The following TMEM19 variants were observed in gnomAD, a reference collection of about 807,000 sequenced individuals.
TMEM19 encodes the protein transmembrane protein 19.
A neutral mutation model predicts 33.6 loss-of-function variants in TMEM19; 21 were observed. The observed-to-expected ratio is 0.62, with a 90% CI of 0.44 to 0.90. The LOEUF (loss-of-function observed/expected upper bound fraction) is 0.90. Among genes scored for constraint, TMEM19 ranks in the 40% least tolerant of loss-of-function variants. The pLI is 0.00. For synonymous variants in TMEM19, 149 were observed against 147.5 expected, an observed-to-expected ratio of 1.01 and a Z score of -0.07; for missense variants, 402 against 401.8, an observed-to-expected ratio of 1.00 and a Z score of 0.00.
rs1235521744 is a variant in TMEM19, at chr12:71,703,388, C to T, written c.*2393C>T. ...CTTCTGGTAATGACACAGTGTCTTA[C>T]AGCTACATCATTTATAAAATCATGT... On this transcript the variant is annotated 3_prime_UTR_variant, in exon 6 of 6. Coordinates refer to ENST00000266673, the MANE Select transcript of TMEM19 (RefSeq NM_018279.4). 6.6e-6 allele frequency: 1 copy of T among 152,072 alleles called. No homozygotes were observed. Among genetic ancestry groups the T allele is most frequent in the Non-Finnish European group, 1.5e-5 (1 of 68,070 alleles). The allele number at this position is 152,072 out of a possible 1,614,324, so 9.4% of individuals were successfully genotyped here.
chr12:71,697,380 C>T lies in TMEM19; in HGVS notation c.483C>T (p.Val161=), dbSNP rs1239112695. 5.6e-6 allele frequency: 9 copies of T among 1,611,102 alleles called. No individual in the cohort carries two copies. The Admixed American group carries it at 1.0e-4, about 18-fold the overall frequency. Residue 161 remains valine (V), a synonymous_variant, in exon 4 of 6, where the codon GTC becomes GTT. Transcript: ENST00000266673. The part of the protein sequence containing the change: ...MIENGPGEIP[V]DFSKQYSASW... ...AAAATGGCCCCGGGGAAATCCCAGTCGATTTTTCCAAGCAGTACTCCGCTT... is the reference window on the plus strand; with the variant it reads ...AAAATGGCCCCGGGGAAATCCCAGTTGATTTTTCCAAGCAGTACTCCGCTT...
chr12:71,696,260 G>A (rs1360228090), intron 2 of TMEM19, among the ~76,000 whole-genome samples, 176 bp from the exon 3 acceptor site: 1 of 152,086 alleles, frequency 6.6e-6, no homozygotes, highest in Non-Finnish European at 1.5e-5. Flanking sequence ...TAAAAAATGT[G>A]TACTCAAAAT....
At chr12:71,688,906 A>G (rs896019818) in intron 1 of TMEM19, among the ~76,000 whole-genome samples, 24 of 152,192 alleles carry the variant, frequency 1.6e-4, no homozygotes, top group Admixed American at 5.9e-4. Context: ...GGCAGAGAGG[A>G]GTAAGATCCT....
intron 5 of TMEM19, among the ~76,000 whole-genome samples, 171 bp from the exon 6 acceptor site, chr12:71,700,661 C>T (rs1481410845): frequency 6.6e-6 from 1 of 151,450 alleles, no homozygotes; most frequent in Admixed American, 6.6e-5. Flanking sequence ...TCACTTAGAA[C>T]CTTTCAAAGA....
At position 71,700,863 on chromosome 12, in the gene TMEM19, C is replaced by G. The variant is rs145613828; in HGVS notation, c.879C>G (p.Asn293Lys). Residue 293 changes from asparagine (N) to lysine (K), a missense_variant, in exon 6 of 6, where the codon AAC becomes AAG. By Grantham distance (94) the Asn-to-Lys change is moderately conservative (BLOSUM62 0). Transcript: ENST00000266673. ...GLDESTGMVV[N>K]SPTNKARHIA... ...ATGAAAGCACTGGCATGGTGGTCAA[C>G]AGCCCAACAAATAAGGCAAGGCACA... is the stretch of plus-strand genomic sequence containing the variant. 5.0e-6 allele frequency: 8 copies of G among 1,610,512 alleles called. No homozygotes were observed. Among genetic ancestry groups the G allele is most frequent in the African/African-American group, 1.3e-5 (1 of 74,844 alleles).
rs1881685592 is a variant in TMEM19 at position 71,686,315 on chromosome 12, C to T, written c.-366C>T. On this transcript the variant is annotated 5_prime_UTR_variant, in exon 1 of 6. In the 5' UTR this introduces an upstream ATG that the reference lacks. Coordinates refer to ENST00000266673, the MANE Select transcript of TMEM19 (RefSeq NM_018279.4). ...CGGCCCGCGGGTGAGAAGGTTGCGA[C>T]GGGAGGTGGGTGGAACTCGCCAGCG... The T allele has an allele frequency of 4.0e-6, 1 of 247,104 alleles. No homozygotes were observed. The highest frequency in any genetic ancestry group is 3.9e-5 in the South Asian group (1 of 25,480). The allele number at this position is 247,104 out of a possible 1,614,324, so 15.3% of individuals were successfully genotyped here. A position where few individuals can be genotyped will look rare whatever the true frequency, so the allele number is the denominator to read the frequency against.
intron 2 of TMEM19, among the ~76,000 whole-genome samples, chr12:71,694,571 T>C (rs2137595588): frequency 6.6e-6 from 1 of 152,324 alleles, no homozygotes; most frequent in Admixed American, 6.5e-5. Flanking sequence ...CAAACATCAC[T>C]GTTCAGGCAT....
chr12:71,688,664 T>C (rs1224712444), intron 1 of TMEM19, among the ~76,000 whole-genome samples: 2 of 152,256 alleles, frequency 1.3e-5, no homozygotes, highest in Non-Finnish European at 2.9e-5. Context: ...AGCCACGGCC[T>C]GTTTAAAGGA....
intron 2 of TMEM19, 111 bp from the exon 3 acceptor site, chr12:71,696,325 A>T: frequency 9.9e-7 from 1 of 1,012,328 alleles, no homozygotes; most frequent in Non-Finnish European, 1.4e-6. Flanking sequence ...AAATTGCTAG[A>T]AATGTACATT....
In TMEM19 at chr12:71,698,999, A is replaced by ATTAGACATTTTTG. The variant is rs762407205; in HGVS notation, c.738_739insTAGACATTTTTGT (p.Asp247Ter). ...TTCCTCACACAGCTGATTTTTGTGA[A>ATTAGACATTTTTG]TGATTTAGACATTTCTGCCCCGCAG... On this transcript the variant is annotated stop_gained and frameshift_variant, in exon 5 of 6. Transcript: ENST00000266673. LOFTEE classifies it high-confidence loss of function. The ATTAGACATTTTTG allele has an allele frequency of 1.9e-6, 3 of 1,614,120 alleles. No homozygotes were observed. In the East Asian group the frequency reaches 6.7e-5, roughly 36 times the overall value.
At chr12:71,693,230 T>G (rs1196234644) in intron 2 of TMEM19, among the ~76,000 whole-genome samples, 10 of 151,622 alleles carry the variant, frequency 6.6e-5, no homozygotes, top group Middle Eastern at 3.4e-3. Flanking sequence ...AGGGTCTCGC[T>G]CTATCACCCA....
intron 5 of TMEM19, chr12:71,699,368 T>A: frequency 1.8e-6 from 1 of 568,802 alleles, no homozygotes; most frequent in Non-Finnish European, 3.1e-6. Flanking sequence ...GACGTTTTTG[T>A]GTGAGCCATT....
At chr12:71,689,870 T>C (rs896029121) in intron 2 of TMEM19, among the ~76,000 whole-genome samples, 166 bp downstream of exon 2, 5 of 152,192 alleles carry the variant, frequency 3.3e-5, no homozygotes, top group Non-Finnish European at 7.3e-5. Context: ...TTGTCAAAAT[T>C]TCAGAAACTA....
rs148058365 is a variant in TMEM19 at position 71,695,226 on chromosome 12, T to C, written c.245-1210T>C. On this transcript the variant is annotated intron_variant, in intron 2 of 5. Coordinates refer to ENST00000266673, the MANE Select transcript of TMEM19 (RefSeq NM_018279.4). ...AAAGAAACCATTCCCTCAAAGCTTG[T>C]CTTGTTCATTTCCTCAATCTGAAGC... 5.1e-3 allele frequency among the ~76,000 whole-genome samples: 777 copies of C among 152,294 alleles called. 2 individuals are homozygous for C. The highest frequency in any genetic ancestry group is 0.018 in the African/African-American group (741 of 41,554).
intron 1 of TMEM19, 116 bp downstream of exon 1, chr12:71,686,926 C>T (rs1881700990): frequency 1.9e-6 from 2 of 1,041,558 alleles, no homozygotes; most frequent in Non-Finnish European, 2.7e-6. Flanking sequence ...GTTGTGTTTA[C>T]TTAACTTCCA....
At chr12:71,695,049 T>C (rs892743411) in intron 2 of TMEM19, among the ~76,000 whole-genome samples, 4 of 152,212 alleles carry the variant, frequency 2.6e-5, no homozygotes, top group African/African-American at 9.6e-5. Context: ...GAGTGCCCTA[T>C]TGTCATATAT....
intron 1 of TMEM19, among the ~76,000 whole-genome samples, chr12:71,687,801 C>T (rs1881718865): frequency 6.6e-6 from 1 of 152,128 alleles, no homozygotes; most frequent in African/African-American, 2.4e-5. Flanking sequence ...CACAAACTTC[C>T]TTCTCCTATG....
chr12:71,701,078 T>A lies in TMEM19; in HGVS notation c.*83T>A. Reference sequence around the variant, plus strand: ...ACTTTCATCCTAAGAATAATAACTGTAATGGCAAAGCGGAAATGCCAGTTC... The same window carrying A: ...ACTTTCATCCTAAGAATAATAACTGAAATGGCAAAGCGGAAATGCCAGTTC... On this transcript the variant is annotated 3_prime_UTR_variant, in exon 6 of 6. Coordinates refer to ENST00000266673, the MANE Select transcript of TMEM19 (RefSeq NM_018279.4). 1 of 1,375,972 alleles carries A rather than the reference T, an allele frequency of 7.3e-7. No individual in the cohort carries two copies. Among genetic ancestry groups the A allele is most frequent in the Non-Finnish European group, 9.7e-7 (1 of 1,033,634 alleles). 85.2% of individuals were successfully genotyped at this position (1,375,972 alleles called of 1,614,324 possible).
rs1881970819 is a variant in TMEM19, at chr12:71,701,099, A to G, written c.*104A>G. ...ACTGTAATGGCAAAGCGGAAATGCC[A>G]GTTCCTCCTGTATTCCATTGAGATG... On this transcript the variant is annotated 3_prime_UTR_variant, in exon 6 of 6. Coordinates refer to ENST00000266673, the MANE Select transcript of TMEM19 (RefSeq NM_018279.4). 5 of 1,199,284 alleles carry G rather than the reference A, an allele frequency of 4.2e-6. No individual in the cohort carries two copies. The highest frequency in any genetic ancestry group is 2.6e-5 in the Admixed American group (1 of 38,466). 74.3% of individuals were successfully genotyped at this position (1,199,284 alleles called of 1,614,324 possible). A position where few individuals can be genotyped will look rare whatever the true frequency, so the allele number is the denominator to read the frequency against.
Sources: gnomAD v4.1 joint callset for allele counts (sites outside exome capture counted in the v4.1 genomes callset) on GRCh38, gnomAD v4.1.1 for gene constraint, MANE v1.5 for transcripts, NCBI Gene and HGNC (gene_info 2026-07-23, HGNC 2026-07-21) for gene names.